PDGFRA: variants seen among roughly 807,000 people sequenced by gnomAD.
PDGFRA encodes the protein platelet derived growth factor receptor alpha.
PDGFRA carries 25 observed loss-of-function variants against 121.5 expected under a neutral mutation model. That is an observed-to-expected ratio of 0.21 (90% CI 0.15 to 0.29). The LOEUF (loss-of-function observed/expected upper bound fraction) is 0.29, where lower values mean the gene tolerates loss of function less well. Ranked by LOEUF, PDGFRA falls within the 10% of genes least tolerant of loss-of-function variation. The probability of loss-of-function intolerance (pLI) is 1.00; values close to 1 mark genes in which losing one functional copy is unlikely to be tolerated. For missense variants in PDGFRA, 1,008 were observed against 1,345.1 expected, an observed-to-expected ratio of 0.75 and a Z score of 3.92; for synonymous variants, 463 against 494.8, an observed-to-expected ratio of 0.94 and a Z score of 0.85.
rs1312215753 is a variant in PDGFRA, at chr4:54,297,366, T to C, written c.*2094T>C. On this transcript the variant is annotated 3_prime_UTR_variant, in exon 23 of 23. Coordinates refer to ENST00000257290, the MANE Select transcript of PDGFRA (RefSeq NM_006206.6). ...GCAAGCCCCAACTTTCTTATCCAAC[T>C]TTTTCATAGTAAGTGCGAAGACTGA... 2 of 233,614 alleles carry C rather than the reference T, an allele frequency of 8.6e-6. No homozygotes were observed. The highest frequency in any genetic ancestry group is 1.7e-5 in the Non-Finnish European group (2 of 118,070). The allele number at this position is 233,614 out of a possible 1,614,324, so 14.5% of individuals were successfully genotyped here.
chr4:54,232,274 C>A (rs1720727488), intron 1 of PDGFRA, among the ~76,000 whole-genome samples: 4 of 152,218 alleles, frequency 2.6e-5, no homozygotes, highest in Non-Finnish European at 2.9e-5. Flanking sequence ...GCGCAAGATG[C>A]AGGATCGGGG....
At chr4:54,253,379 C>T (rs938872420) in intron 1 of PDGFRA, among the ~76,000 whole-genome samples, 59 of 152,302 alleles carry the variant, frequency 3.9e-4, no homozygotes, top group African/African-American at 1.4e-3. Context: ...GAGATTTGGA[C>T]AGAGTGTCAG....
At position 54,261,203 on chromosome 4, in the gene PDGFRA, G is replaced by C; in HGVS notation, c.158G>C (p.Ser53Thr). ...TTTTCTCTGAGATGCTTTGGGGAGA[G>C]TGAAGTGAGCTGGCAGTACCCCATG... is the stretch of plus-strand genomic sequence containing the variant. ...SSFSLRCFGE[S>T]EVSWQYPMSE... Residue 53 changes from serine to threonine, a missense_variant, in exon 3 of 23, where the codon AGT becomes ACT. Physicochemically the swap from Ser to Thr is moderately conservative, Grantham distance 58. Around this residue, in one of 5 missense-constraint regions of PDGFRA, gnomAD observed 575 missense variants for 701.8 expected, o/e 0.82. Transcript: ENST00000257290. 1 of 1,614,188 alleles carries C rather than the reference G, an allele frequency of 6.2e-7. No individual in the cohort carries two copies. Among genetic ancestry groups the C allele is most frequent in the Non-Finnish European group, 8.5e-7 (1 of 1,180,016 alleles).
chr4:54,242,390 G>A (rs1721353454), intron 1 of PDGFRA, among the ~76,000 whole-genome samples: 1 of 151,864 alleles, frequency 6.6e-6, no homozygotes, highest in South Asian at 2.1e-4. Flanking sequence ...GTTTCACTAG[G>A]GAAAATACCT....
chr4:54,235,197 G>A (rs1275238651), intron 1 of PDGFRA, among the ~76,000 whole-genome samples: 1 of 152,164 alleles, frequency 6.6e-6, no homozygotes, highest in Non-Finnish European at 1.5e-5. Flanking sequence ...ACTGAGCCTC[G>A]GAAATCTGAA....
chr4:54,240,798 G>A lies in PDGFRA; in HGVS notation c.-13+11383G>A, dbSNP rs536026591. ...ATTAGCAAACTAAGTTTGGCCATTT[G>A]GATAAGTCCCAGTTTTGTCAGGGAA... On this transcript the variant is annotated intron_variant, in intron 1 of 22. Coordinates refer to ENST00000257290, the MANE Select transcript of PDGFRA (RefSeq NM_006206.6). Among the ~76,000 whole-genome samples, 10 of 152,296 alleles carry A rather than the reference G, an allele frequency of 6.6e-5. No individual in the cohort carries two copies. In the South Asian group the frequency reaches 1.9e-3, roughly 28 times the overall value.
chr4:54,274,116 G>C (rs1308895420), intron 10 of PDGFRA, among the ~76,000 whole-genome samples: 1 of 152,214 alleles, frequency 6.6e-6, no homozygotes, highest in Non-Finnish European at 1.5e-5. Context: ...CTGTCTCATT[G>C]CTCCTTAAAA....
chr4:54,244,052 A>G (rs1721472821), intron 1 of PDGFRA, among the ~76,000 whole-genome samples: 1 of 152,224 alleles, frequency 6.6e-6, no homozygotes, highest in Non-Finnish European at 1.5e-5. Context: ...TAGGTAAACA[A>G]AGCGGCTGGG....
chr4:54,261,619 C>G, intron 3 of PDGFRA, among the ~76,000 whole-genome samples: 1 of 151,890 alleles, frequency 6.6e-6, no homozygotes, highest in East Asian at 1.9e-4. Flanking sequence ...TTTGGAAAGT[C>G]ATCTTTGTTA....
chr4:54,296,521 CGA>C lies in PDGFRA; in HGVS notation c.*1252_*1253del, dbSNP rs1724893276. 8.6e-6 allele frequency: 2 copies of C among 232,632 alleles called. No homozygotes were observed. The highest frequency in any genetic ancestry group is 2.2e-5 in the African/African-American group (1 of 45,262). The allele number at this position is 232,632 out of a possible 1,614,324, so 14.4% of individuals were successfully genotyped here. ...CCCCAAAGAGAAAGAGTTTGAAACT[CGA>C]GACCATAAAGATATTCTTTAGTGGA... is the stretch of plus-strand genomic sequence containing the variant. On this transcript the variant is annotated 3_prime_UTR_variant, in exon 23 of 23. Transcript: ENST00000257290.
chr4:54,241,583 C>T (rs35714192), intron 1 of PDGFRA, among the ~76,000 whole-genome samples: 1 of 151,018 alleles, frequency 6.6e-6, no homozygotes, highest in African/African-American at 2.4e-5. Context: ...GAGTTTTGCT[C>T]TTGTTGCCCA....
chr4:54,295,541 C>A lies in PDGFRA; in HGVS notation c.*269C>A. On this transcript the variant is annotated 3_prime_UTR_variant, in exon 23 of 23. Transcript: ENST00000257290. ...AGATGGATAAGGGAATAATAGGCCACAGAAGGTGAACTTTGTGCTTCAAGG... is the reference window on the plus strand; with the variant it reads ...AGATGGATAAGGGAATAATAGGCCAAAGAAGGTGAACTTTGTGCTTCAAGG... The A allele has an allele frequency of 2.0e-6, 1 of 495,356 alleles. No individual in the cohort carries two copies. Among genetic ancestry groups the A allele is most frequent in the South Asian group, 2.2e-5 (1 of 44,656 alleles). 30.7% of individuals were successfully genotyped at this position (495,356 alleles called of 1,614,324 possible).
intron 16 of PDGFRA, chr4:54,281,882 T>C: frequency 1.7e-6 from 2 of 1,171,164 alleles, no homozygotes; most frequent in Non-Finnish European, 2.1e-6. Flanking sequence ...TCTAAGATGC[T>C]ATCACATGTG....
intron 12 of PDGFRA, 77 bp downstream of exon 12, chr4:54,275,050 A>AT: frequency 6.7e-7 from 1 of 1,489,146 alleles, no homozygotes; most frequent in Non-Finnish European, 9.3e-7. Context: ...CCTTGGCAGA[A>AT]TAGAGATCTG....
chr4:54,278,707 G>C lies in PDGFRA; in HGVS notation c.2156+192G>C, dbSNP rs1577732599. On this transcript the variant is annotated intron_variant, in intron 15 of 22. Transcript: ENST00000257290. ...ATGATGTCTAAAGGTGTTTTGGACT[G>C]GGGTGTCACATGGGAAGGCCTTGCT... 18 of 669,896 alleles carry C rather than the reference G, an allele frequency of 2.7e-5. No individual in the cohort carries two copies. The East Asian group carries it at 5.0e-4, about 18-fold the overall frequency. The allele number at this position is 669,896 out of a possible 1,614,324, so 41.5% of individuals were successfully genotyped here. A position where few individuals can be genotyped will look rare whatever the true frequency, so the allele number is the denominator to read the frequency against.
chr4:54,239,837 T>C (rs998760163), intron 1 of PDGFRA, among the ~76,000 whole-genome samples: 1 of 151,768 alleles, frequency 6.6e-6, no homozygotes, highest in Non-Finnish European at 1.5e-5. Context: ...TTAAAAAAAA[T>C]TTTAAATTAT....
intron 7 of PDGFRA, among the ~76,000 whole-genome samples, chr4:54,269,536 A>AC: frequency 6.7e-6 from 1 of 148,906 alleles, no homozygotes; most frequent in Non-Finnish European, 1.5e-5. Flanking sequence ...CACACACACA[A>AC]CCAGATGTCA....
intron 16 of PDGFRA, 161 bp downstream of exon 16, chr4:54,280,643 A>C: frequency 1.6e-6 from 1 of 608,922 alleles, no homozygotes; most frequent in Non-Finnish European, 2.9e-6. Context: ...ACATGTTTCC[A>C]GGTTTGTGGC....
At chr4:54,279,406 A>G (rs1723942622) in intron 15 of PDGFRA, among the ~76,000 whole-genome samples, 1 of 152,182 alleles carries the variant, frequency 6.6e-6, no homozygotes, top group South Asian at 2.1e-4. Context: ...GATCCATTCT[A>G]CGTCTTCTGA....
Sources: allele counts gnomAD v4.1 joint callset (sites outside exome capture counted in the v4.1 genomes callset), GRCh38; gene constraint gnomAD v4.1.1; regional missense constraint gnomAD v4.1.1; transcripts MANE v1.5; gene names NCBI Gene and HGNC (gene_info 2026-07-23, HGNC 2026-07-21).